Variants in IPPK observed in about 807,000 individuals in gnomAD.
The protein encoded by IPPK is inositol-pentakisphosphate 2-kinase, also known as IPK1 homolog.
A neutral mutation model predicts 64.6 loss-of-function variants in IPPK; 22 were observed. That is an observed-to-expected ratio of 0.34 (90% CI 0.24 to 0.49). IPPK has a LOEUF of 0.49. Ranked by LOEUF, IPPK falls within the 20% of genes least tolerant of loss-of-function variation. The pLI is 0.99. For missense variants in IPPK, 532 were observed against 630.7 expected (o/e 0.84, Z 1.68); for synonymous variants, 262 against 247.2 (o/e 1.06, Z -0.56).
At chr9:92,624,837 ATAAAG>A (rs1045339430) in intron 11 of IPPK, among the ~76,000 whole-genome samples, 41 of 152,300 alleles carry the variant, frequency 2.7e-4, no homozygotes, top group African/African-American at 9.6e-4. Context: ...AAATGTGGCA[ATAAAG>A]TAAATAGAAA....
At chr9:92,664,907 T>G (rs1587647652) in intron 1 of IPPK, among the ~76,000 whole-genome samples, 1 of 152,174 alleles carries the variant, frequency 6.6e-6, no homozygotes, top group South Asian at 2.1e-4. Context: ...AGAAGAAAAG[T>G]GGCTGTGTGA....
In IPPK at chr9:92,615,610, T is replaced by C; in HGVS notation, c.*222A>G. On this transcript the variant is annotated 3_prime_UTR_variant, in exon 13 of 13. Transcript: ENST00000287996. ...TTAACGGACACTTCCATTTTAAGAG[T>C]GTGAGCAGCTTCCTGGGACACAGCA... 4 of 526,538 alleles carry C rather than the reference T, an allele frequency of 7.6e-6. No individual in the cohort carries two copies. In the South Asian group the frequency reaches 8.5e-5, roughly 11 times the overall value. 32.6% of individuals were successfully genotyped at this position (526,538 alleles called of 1,614,324 possible). A position where few individuals can be genotyped will look rare whatever the true frequency, so the allele number is the denominator to read the frequency against.
intron 2 of IPPK, 67 bp downstream of exon 2, chr9:92,658,567 C>G: frequency 1.5e-6 from 2 of 1,325,382 alleles, no homozygotes; most frequent in Non-Finnish European, 2.2e-6. Context: ...GTTTCTACAT[C>G]GGAAAAAAAA....
chr9:92,615,537 T>C lies in IPPK; in HGVS notation c.*295A>G, dbSNP rs1851404076. Reference sequence around the variant, plus strand: ...GCTTTTCGCATTAGAGAATCAGACATGAGCCCTGGTTGGGAAAGAAGAACT... The same window carrying C: ...GCTTTTCGCATTAGAGAATCAGACACGAGCCCTGGTTGGGAAAGAAGAACT... On this transcript the variant is annotated 3_prime_UTR_variant, in exon 13 of 13. Coordinates refer to ENST00000287996, the MANE Select transcript of IPPK (RefSeq NM_022755.6). 2.9e-6 allele frequency: 1 copy of C among 346,794 alleles called. No homozygotes were observed. Among genetic ancestry groups the C allele is most frequent in the Non-Finnish European group, 5.4e-6 (1 of 186,896 alleles). The allele number at this position is 346,794 out of a possible 1,614,324, so 21.5% of individuals were successfully genotyped here.
intron 8 of IPPK, 25 bp downstream of exon 8, chr9:92,640,685 A>G: frequency 1.9e-6 from 3 of 1,548,660 alleles, no homozygotes; most frequent in Non-Finnish European, 2.7e-6. Context: ...CCCTGAAACC[A>G]CCATAGAATC....
chr9:92,635,116 C>A lies in IPPK; in HGVS notation c.1067+42G>T. Reference sequence around the variant, plus strand: ...TTCTTACCCTGCCCACTCCCACAGTCTCCTCTCAGGGCTGCCCAACAGGGG... The same window carrying A: ...TTCTTACCCTGCCCACTCCCACAGTATCCTCTCAGGGCTGCCCAACAGGGG... On this transcript the variant is annotated intron_variant, in intron 10 of 12. Transcript: ENST00000287996. This position sits in a 1 kb window ranked among gnomAD's most constrained non-coding sequence, Gnocchi z 4.4. The A allele has an allele frequency of 6.4e-7, 1 of 1,562,452 alleles. No individual in the cohort carries two copies. Among genetic ancestry groups the A allele is most frequent in the Non-Finnish European group, 8.7e-7 (1 of 1,151,034 alleles).
chr9:92,648,936 G>A (rs1042084313), intron 5 of IPPK, among the ~76,000 whole-genome samples: 6 of 152,236 alleles, frequency 3.9e-5, no homozygotes, highest in Non-Finnish European at 7.3e-5. Flanking sequence ...TGCCTCTGAG[G>A]GTCACACTGG....
chr9:92,632,005 C>G (rs1293565511), intron 11 of IPPK, among the ~76,000 whole-genome samples: 5 of 152,198 alleles, frequency 3.3e-5, no homozygotes, highest in African/African-American at 2.4e-5. Flanking sequence ...GTTTTCGTCA[C>G]CAACAAAGCC....
chr9:92,625,471 C>T (rs1346539432), intron 11 of IPPK, among the ~76,000 whole-genome samples: 2 of 151,958 alleles, frequency 1.3e-5, no homozygotes, highest in East Asian at 3.8e-4. Flanking sequence ...AAATTAATAC[C>T]CAAGTAACTA....
chr9:92,642,346 C>A (rs1308181485), intron 7 of IPPK, among the ~76,000 whole-genome samples: 1 of 152,256 alleles, frequency 6.6e-6, no homozygotes, highest in Non-Finnish European at 1.5e-5. Flanking sequence ...TGCAAGCAGA[C>A]CTTGCCGGGG....
chr9:92,635,068 G>A lies in IPPK; in HGVS notation c.1067+90C>T. On this transcript the variant is annotated intron_variant, in intron 10 of 12. Transcript: ENST00000287996. The surrounding 1 kb of genome is among the most constrained non-coding windows in gnomAD (Gnocchi z 4.4). ...TGGCCGGCATGCTTCATCCTCCTGGGAAGCTGTGCCTTGGGAGGCGCATTC... is the reference window on the plus strand; with the variant it reads ...TGGCCGGCATGCTTCATCCTCCTGGAAAGCTGTGCCTTGGGAGGCGCATTC... 1 of 1,289,848 alleles carries A rather than the reference G, an allele frequency of 7.8e-7. No homozygotes were observed. Among genetic ancestry groups the A allele is most frequent in the African/African-American group, 1.5e-5 (1 of 66,844 alleles). The allele number at this position is 1,289,848 out of a possible 1,614,324, so 79.9% of individuals were successfully genotyped here. A position where few individuals can be genotyped will look rare whatever the true frequency, so the allele number is the denominator to read the frequency against.
intron 12 of IPPK, chr9:92,616,587 G>GCCAA (rs1851444692): frequency 6.5e-6 from 1 of 154,184 alleles, no homozygotes; most frequent in African/African-American, 2.4e-5. Context: ...AGCTCCTTTG[G>GCCAA]TTCACATTTG....
chr9:92,654,060 G>A (rs1377213727), intron 3 of IPPK, among the ~76,000 whole-genome samples: 1 of 152,130 alleles, frequency 6.6e-6, no homozygotes, highest in African/African-American at 2.4e-5. Context: ...CAGCAGCTAC[G>A]CAGGTCTCAG....
In IPPK at chr9:92,615,549, G is replaced by A; in HGVS notation, c.*283C>T. 1 of 371,138 alleles carries A rather than the reference G, an allele frequency of 2.7e-6. No individual in the cohort carries two copies. Among genetic ancestry groups the A allele is most frequent in the Non-Finnish European group, 5.0e-6 (1 of 201,718 alleles). 23.0% of individuals were successfully genotyped at this position (371,138 alleles called of 1,614,324 possible). On this transcript the variant is annotated 3_prime_UTR_variant, in exon 13 of 13. Coordinates refer to ENST00000287996, the MANE Select transcript of IPPK (RefSeq NM_022755.6). ...AGAGAATCAGACATGAGCCCTGGTTGGGAAAGAAGAACTATCCAGAACGTC... is the reference window on the plus strand; with the variant it reads ...AGAGAATCAGACATGAGCCCTGGTTAGGAAAGAAGAACTATCCAGAACGTC...
chr9:92,640,796 G>A lies in IPPK; in HGVS notation c.564-14C>T. On this transcript the variant is annotated splice_polypyrimidine_tract_variant and intron_variant, in intron 7 of 12. Transcript: ENST00000287996. ...CTCTGTTTGTTTCTAAAAGGGAAAA[G>A]CATTAACATGCTTTAAATGCAGCTG... is the stretch of plus-strand genomic sequence containing the variant. The A allele has an allele frequency of 6.3e-7, 1 of 1,584,590 alleles. No individual in the cohort carries two copies. Among genetic ancestry groups the A allele is most frequent in the African/African-American group, 1.3e-5 (1 of 74,462 alleles).
At chr9:92,634,700 T>A (rs892239093) in intron 10 of IPPK, among the ~76,000 whole-genome samples, 7 of 152,180 alleles carry the variant, frequency 4.6e-5, no homozygotes, top group African/African-American at 1.4e-4. Context: ...CTGAGCCTTC[T>A]CCTGTTCATG....
At chr9:92,661,322 C>A (rs1852479156) in intron 1 of IPPK, among the ~76,000 whole-genome samples, 1 of 152,198 alleles carries the variant, frequency 6.6e-6, no homozygotes, top group African/African-American at 2.4e-5. Flanking sequence ...TGGGGTGAAG[C>A]CAAGTTTAGA....
At chr9:92,647,077 C>A (rs1401653379) in intron 6 of IPPK, among the ~76,000 whole-genome samples, 3 of 151,990 alleles carry the variant, frequency 2.0e-5, no homozygotes, top group Non-Finnish European at 4.4e-5. Flanking sequence ...AATCCTGTGG[C>A]TAGACCAAGG....
chr9:92,653,324 A>G (rs961648345), intron 3 of IPPK, among the ~76,000 whole-genome samples: 1 of 152,304 alleles, frequency 6.6e-6, no homozygotes, highest in Middle Eastern at 3.4e-3. Flanking sequence ...TGCTAGGCTA[A>G]GAATGCTGGG....
Sources: allele counts gnomAD v4.1 joint callset (sites outside exome capture counted in the v4.1 genomes callset), GRCh38; gene constraint gnomAD v4.1.1; non-coding constraint Gnocchi (gnomAD v3.1); transcripts MANE v1.5; gene names NCBI Gene and HGNC (gene_info 2026-07-23, HGNC 2026-07-21).